LRRC7: variants seen among roughly 807,000 people sequenced by gnomAD.
LRRC7 encodes leucine-rich repeat-containing protein 7.
A neutral mutation model predicts 175.7 loss-of-function variants in LRRC7; 23 were observed. That is an observed-to-expected ratio of 0.13 (90% CI 0.09 to 0.19). The LOEUF (loss-of-function observed/expected upper bound fraction) is 0.19. LRRC7 is among the 10% of genes least tolerant of loss of function. The pLI is 1.00. For missense variants in LRRC7, 1,354 were observed against 1,904.7 expected, an observed-to-expected ratio of 0.71 and a Z score of 5.38; for synonymous variants, 685 against 680.9, an observed-to-expected ratio of 1.01 and a Z score of -0.09.
At chr1:70,012,227 T>A (rs979397730) in intron 12 of LRRC7, among the ~76,000 whole-genome samples, 1 of 151,994 alleles carries the variant, frequency 6.6e-6, no homozygotes, top group Non-Finnish European at 1.5e-5. Flanking sequence ...AGAATAGTTA[T>A]AAATAATATT....
chr1:69,690,938 C>T (rs566511514), intron 2 of LRRC7, among the ~76,000 whole-genome samples: 1 of 152,262 alleles, frequency 6.6e-6, no homozygotes, highest in Admixed American at 6.5e-5. Context: ...GTCTTTCAGA[C>T]CAGCTTGTGT....
intron 25 of LRRC7, among the ~76,000 whole-genome samples, chr1:70,100,260 A>T (rs1664716685): frequency 6.6e-6 from 1 of 152,160 alleles, no homozygotes; most frequent in African/African-American, 2.4e-5. Flanking sequence ...TCTAGTATTT[A>T]TATATCATTT....
intron 2 of LRRC7, among the ~76,000 whole-genome samples, chr1:69,723,508 T>C (rs1570515212): frequency 6.6e-6 from 1 of 152,348 alleles, no homozygotes; most frequent in African/African-American, 2.4e-5. Flanking sequence ...CTTTGTGTTT[T>C]ACTGGACAGT....
intron 13 of LRRC7, among the ~76,000 whole-genome samples, chr1:70,015,429 A>G (rs8179494): frequency 0.077 from 11,687 of 152,196 alleles, 502 homozygotes; most frequent in African/African-American, 0.13. Context: ...AAATTTATTT[A>G]TCTATTGGCT....
chr1:69,866,798 T>G (rs1684991126), intron 7 of LRRC7, among the ~76,000 whole-genome samples: 1 of 152,182 alleles, frequency 6.6e-6, no homozygotes, highest in East Asian at 1.9e-4. Flanking sequence ...TCCATTAAAT[T>G]TCCAGTTAGA....
At chr1:69,884,819 G>A (rs1443218699) in intron 7 of LRRC7, among the ~76,000 whole-genome samples, 2 of 144,596 alleles carry the variant, frequency 1.4e-5, no homozygotes, top group Non-Finnish European at 3.0e-5. Context: ...AGAATTTTTA[G>A]CATGAAGGGT....
At chr1:69,727,985 C>A (rs909874249) in intron 2 of LRRC7, among the ~76,000 whole-genome samples, 6 of 152,296 alleles carry the variant, frequency 3.9e-5, no homozygotes, top group African/African-American at 1.2e-4. Context: ...CCATTTTTAT[C>A]ACCCTGTGTC....
At chr1:69,794,133 T>C (rs1437196549) in intron 4 of LRRC7, among the ~76,000 whole-genome samples, 1 of 152,184 alleles carries the variant, frequency 6.6e-6, no homozygotes, top group African/African-American at 2.4e-5. Context: ...TGAAACACTG[T>C]AGCATCTGAA....
chr1:69,869,338 G>C lies in LRRC7; in HGVS notation c.647+31055G>C, dbSNP rs925793171. Among the ~76,000 whole-genome samples, 9 of 152,188 alleles carry C rather than the reference G, an allele frequency of 5.9e-5. No individual in the cohort carries two copies. The East Asian group carries it at 1.4e-3, about 23-fold the overall frequency. ...TTACTTGGATGTTAGAAATGAGAGG[G>C]AGAAGCCTAATCTAGGTCTCTGGAT... On this transcript the variant is annotated intron_variant, in intron 7 of 26. Coordinates refer to ENST00000651989, the MANE Select transcript of LRRC7 (RefSeq NM_001370785.2).
chr1:69,998,685 TA>T (rs1442883790), intron 11 of LRRC7, among the ~76,000 whole-genome samples: 1 of 152,184 alleles, frequency 6.6e-6, no homozygotes, highest in Non-Finnish European at 1.5e-5. Flanking sequence ...ATATTTCTTA[TA>T]AAACTACCCT....
intron 7 of LRRC7, among the ~76,000 whole-genome samples, chr1:69,840,801 G>C: frequency 6.6e-6 from 1 of 151,952 alleles, no homozygotes; most frequent in Non-Finnish European, 1.5e-5. Flanking sequence ...TGTAATAATA[G>C]AATACAGTGA....
intron 1 of LRRC7, among the ~76,000 whole-genome samples, chr1:69,578,565 G>A (rs1354021441): frequency 2.7e-5 from 4 of 150,224 alleles, no homozygotes; most frequent in African/African-American, 9.9e-5. Flanking sequence ...ATGATAGACT[G>A]GATTAAGAAA....
chr1:69,761,927 A>G (rs975433320), intron 3 of LRRC7, among the ~76,000 whole-genome samples: 1 of 151,976 alleles, frequency 6.6e-6, no homozygotes, highest in African/African-American at 2.4e-5. Flanking sequence ...TAATTTAGGA[A>G]AATAGGCATG....
chr1:69,916,315 A>G (rs1031726654), intron 7 of LRRC7, among the ~76,000 whole-genome samples: 11 of 140,884 alleles, frequency 7.8e-5, no homozygotes, highest in Non-Finnish European at 1.4e-4. Context: ...ATATATATAT[A>G]TAGTTTTGTT....
At chr1:69,615,439 T>C (rs1325580209) in intron 1 of LRRC7, among the ~76,000 whole-genome samples, 2 of 151,996 alleles carry the variant, frequency 1.3e-5, no homozygotes. Flanking sequence ...GAAAGAAAGT[T>C]GCATTAGCCA....
At chr1:70,044,603 C>CTG (rs2102043479) in intron 22 of LRRC7, among the ~76,000 whole-genome samples, 1 of 152,032 alleles carries the variant, frequency 6.6e-6, no homozygotes, top group African/African-American at 2.4e-5. Flanking sequence ...TTTGCAGGAA[C>CTG]TGTAACAGAA....
intron 2 of LRRC7, among the ~76,000 whole-genome samples, chr1:69,703,581 G>A (rs1663646719): frequency 6.6e-6 from 1 of 151,828 alleles, no homozygotes; most frequent in African/African-American, 2.4e-5. Flanking sequence ...TTTATAATTT[G>A]TATTATTACA....
chr1:69,756,667 A>C (rs1408229477), intron 2 of LRRC7, among the ~76,000 whole-genome samples: 1 of 151,850 alleles, frequency 6.6e-6, no homozygotes, highest in Non-Finnish European at 1.5e-5. Context: ...ACCTTTTTTG[A>C]GGTATATTTT....
In LRRC7 at chr1:69,834,841, C is replaced by T; in HGVS notation, c.562C>T (p.Leu188Phe). The change falls in exon 6 of 27, where the codon CTT becomes TTT. Residue 188 changes from leucine to phenylalanine, a missense_variant. Physicochemically the swap from Leu to Phe is conservative, Grantham distance 22. Transcript: ENST00000651989. ...LTQLYLNDAFLEFLPANFGRL... is the reference protein window; with the variant it reads ...LTQLYLNDAFFEFLPANFGRL... ...CCAGCTCTACCTGAATGACGCCTTT[C>T]TTGAATTTCTTCCAGCCAATTTTGG... 1 of 1,613,112 alleles carries T rather than the reference C, an allele frequency of 6.2e-7. No individual in the cohort carries two copies. Among genetic ancestry groups the T allele is most frequent in the Non-Finnish European group, 8.5e-7 (1 of 1,179,386 alleles).
Sources: allele counts gnomAD v4.1 joint callset (sites outside exome capture counted in the v4.1 genomes callset), GRCh38; gene constraint gnomAD v4.1.1; transcripts MANE v1.5; gene names NCBI Gene and HGNC (gene_info 2026-07-23, HGNC 2026-07-21).